CALN1: variants seen among roughly 807,000 people sequenced by gnomAD.
The protein encoded by CALN1 is calcium-binding protein 8.
Under a neutral mutation model 30.6 loss-of-function variants are expected in CALN1, and 17 were observed. The ratio of observed to expected loss-of-function variants is 0.56; its 90% CI spans 0.38 to 0.83. The LOEUF (loss-of-function observed/expected upper bound fraction) is 0.83, where lower values mean the gene tolerates loss of function less well. CALN1 is among the 40% of genes least tolerant of loss of function. The probability of loss-of-function intolerance (pLI) is 0.00; values close to 1 mark genes in which losing one functional copy is unlikely to be tolerated. For missense variants in CALN1, 291 were observed against 354.9 expected, an observed-to-expected ratio of 0.82 and a Z score of 1.45; for synonymous variants, 156 against 131.4, an observed-to-expected ratio of 1.19 and a Z score of -1.28.
chr7:72,225,031 G>C (rs958191602), intron 3 of CALN1, among the ~76,000 whole-genome samples: 7 of 151,958 alleles, frequency 4.6e-5, no homozygotes, highest in African/African-American at 1.7e-4. Context: ...GAACCCAGGA[G>C]GTGGAGCTTG....
chr7:72,310,684 A>T (rs1799976912), intron 2 of CALN1, among the ~76,000 whole-genome samples: 1 of 151,842 alleles, frequency 6.6e-6, no homozygotes, highest in Admixed American at 6.6e-5. Context: ...TGAGTGGATC[A>T]CCTGAGGCCG....
At chr7:71,897,972 C>CAAAAAAAA (rs1207497270) in intron 5 of CALN1, among the ~76,000 whole-genome samples, 159 of 58,984 alleles carry the variant, frequency 2.7e-3, no homozygotes, top group Non-Finnish European at 3.3e-3. Context: ...AAACAAAAAA[C>CAAAAAAAA]AAAAAAAAAA....
At chr7:72,067,983 T>C (rs1357062892) in intron 4 of CALN1, among the ~76,000 whole-genome samples, 1 of 152,248 alleles carries the variant, frequency 6.6e-6, no homozygotes, top group African/African-American at 2.4e-5. Context: ...ATCTTAGTCA[T>C]TATTTACAAG....
At position 71,784,065 on chromosome 7, in the gene CALN1, A is replaced by C. The variant is rs993184732; in HGVS notation, c.*3710T>G. ...GCTCAACAGGCAAACCGATACTTTTAAAGATTGGAGGCTTAATATCTTGTT... is the reference window on the plus strand; with the variant it reads ...GCTCAACAGGCAAACCGATACTTTTCAAGATTGGAGGCTTAATATCTTGTT... On this transcript the variant is annotated 3_prime_UTR_variant, in exon 7 of 7. Transcript: ENST00000395275. 6.6e-6 allele frequency: 1 copy of C among 152,174 alleles called. No individual in the cohort carries two copies. Among genetic ancestry groups the C allele is most frequent in the Non-Finnish European group, 1.5e-5 (1 of 68,038 alleles). 9.4% of individuals were successfully genotyped at this position (152,174 alleles called of 1,614,324 possible). A position where few individuals can be genotyped will look rare whatever the true frequency, so the allele number is the denominator to read the frequency against.
rs1797830734 is a variant in CALN1, at chr7:71,971,946, A to AG, written c.501+51710_501+51711insC. Among the ~76,000 whole-genome samples, 46 of 122,200 alleles carry AG rather than the reference A, an allele frequency of 3.8e-4. 1 individual carries two copies. Among genetic ancestry groups the AG allele is most frequent in the African/African-American group, 1.5e-3 (40 of 26,626 alleles). The allele number at this position is 122,200 out of a possible 152,430, so 80.2% of individuals were successfully genotyped here. ...ACCCTGTCTCAAAAAAAAAAAAAAA[A>AG]AAAAAAAAAAGAAAGAAAGAAAGAA... On this transcript the variant is annotated intron_variant, in intron 5 of 6. Coordinates refer to ENST00000395275, the MANE Select transcript of CALN1 (RefSeq NM_031468.4).
chr7:72,061,376 CTTAT>C, intron 4 of CALN1, among the ~76,000 whole-genome samples: 2 of 152,268 alleles, frequency 1.3e-5, no homozygotes, highest in South Asian at 4.1e-4. Context: ...ATTTATATCA[CTTAT>C]TTCTTTGTTG....
chr7:72,296,851 T>C (rs1798901000), intron 2 of CALN1, among the ~76,000 whole-genome samples: 2 of 151,546 alleles, frequency 1.3e-5, no homozygotes, highest in African/African-American at 4.8e-5. Context: ...TTTGTGTCTC[T>C]ATTTCCTTCA....
chr7:72,456,200 G>C, the CALN1 span, among the ~76,000 whole-genome samples: 11 of 146,656 alleles, frequency 7.5e-5, no homozygotes, highest in Admixed American at 2.0e-4. Flanking sequence ...AAAAAAAAGA[G>C]AGAGAGAGAG....
the CALN1 span, among the ~76,000 whole-genome samples, chr7:72,470,415 A>G: frequency 6.6e-6 from 1 of 152,136 alleles, no homozygotes; most frequent in Non-Finnish European, 1.5e-5. Context: ...ACCCCCAGTA[A>G]TGTACGTCTG....
chr7:71,833,864 T>C (rs959603488), intron 5 of CALN1, among the ~76,000 whole-genome samples: 16 of 152,156 alleles, frequency 1.1e-4, no homozygotes, highest in Non-Finnish European at 1.5e-5. Context: ...GCTATGATTG[T>C]GCTACTGTAC....
At chr7:72,027,677 C>T (rs1172193154) in intron 4 of CALN1, among the ~76,000 whole-genome samples, 1 of 151,582 alleles carries the variant, frequency 6.6e-6, no homozygotes, top group African/African-American at 2.4e-5. Context: ...CACCACTGCA[C>T]TCCAGCCTGG....
chr7:72,053,401 GAAC>G (rs1481413068), intron 4 of CALN1, among the ~76,000 whole-genome samples: 1 of 152,204 alleles, frequency 6.6e-6, no homozygotes, highest in Non-Finnish European at 1.5e-5. Flanking sequence ...CCACTGCACA[GAAC>G]AACAACTCAG....
intron 6 of CALN1, among the ~76,000 whole-genome samples, chr7:71,793,443 C>T (rs1562783305): frequency 6.6e-6 from 1 of 152,160 alleles, no homozygotes. Flanking sequence ...GACATCATCA[C>T]GAATAGTGTG....
chr7:72,301,931 A>C (rs1799292288), intron 2 of CALN1, among the ~76,000 whole-genome samples: 2 of 152,224 alleles, frequency 1.3e-5, no homozygotes, highest in Admixed American at 1.3e-4. Context: ...TGTCACCGAC[A>C]AGCAGGACAG....
chr7:71,979,727 A>C (rs540620002), intron 5 of CALN1, among the ~76,000 whole-genome samples: 5 of 152,066 alleles, frequency 3.3e-5, no homozygotes, highest in African/African-American at 9.6e-5. Flanking sequence ...AAAAATAATG[A>C]TACTCTGCCT....
At chr7:72,422,859 C>T (rs942801524) in intron 1 of CALN1, among the ~76,000 whole-genome samples, 29 of 152,092 alleles carry the variant, frequency 1.9e-4, no homozygotes, top group Non-Finnish European at 3.8e-4. Context: ...CTGAGCGCAT[C>T]GGCTCACGCC....
At chr7:71,934,054 C>T (rs1002474659) in intron 5 of CALN1, among the ~76,000 whole-genome samples, 5 of 152,166 alleles carry the variant, frequency 3.3e-5, no homozygotes, top group African/African-American at 1.2e-4. Flanking sequence ...TGAGTTTTTG[C>T]ATTGAAGCTC....
chr7:72,014,637 A>C (rs1800276279), intron 5 of CALN1, among the ~76,000 whole-genome samples: 1 of 152,088 alleles, frequency 6.6e-6, no homozygotes, highest in Non-Finnish European at 1.5e-5. Flanking sequence ...ACAAATTGCC[A>C]TATTTTTGCC....
chr7:72,380,346 C>T (rs777689020), intron 2 of CALN1, among the ~76,000 whole-genome samples: 25 of 152,182 alleles, frequency 1.6e-4, no homozygotes, highest in Admixed American at 7.9e-4. Flanking sequence ...TCTTAAGAAA[C>T]AGAGGTAGGC....
Sources: gnomAD v4.1 joint callset for allele counts (sites outside exome capture counted in the v4.1 genomes callset) on GRCh38, gnomAD v4.1.1 for gene constraint, MANE v1.5 for transcripts, NCBI Gene and HGNC (gene_info 2026-07-23, HGNC 2026-07-21) for gene names.